The following PCDH9 variants were observed in gnomAD, a reference collection of about 807,000 sequenced individuals.
PCDH9 encodes the protein protocadherin-9.
PCDH9 carries 24 observed loss-of-function variants against 70.6 expected under a neutral mutation model. The ratio of observed to expected loss-of-function variants is 0.34; its 90% confidence interval spans 0.25 to 0.48. The LOEUF is 0.48. Among genes scored for constraint, PCDH9 ranks in the 20% least tolerant of loss-of-function variants. PCDH9 has a pLI of 0.99. For synonymous variants in PCDH9, 562 were observed against 558.5 expected, an observed-to-expected ratio of 1.01 and a Z score of -0.09; for missense variants, 1,281 against 1,503.6, an observed-to-expected ratio of 0.85 and a Z score of 2.45.
At chr13:67,123,517 A>C (rs2086916054) in intron 2 of PCDH9, among the ~76,000 whole-genome samples, 1 of 152,214 alleles carries the variant, frequency 6.6e-6, no homozygotes, top group Non-Finnish European at 1.5e-5. Flanking sequence ...TAAAGACTTC[A>C]TTTGATTTTC....
intron 3 of PCDH9, among the ~76,000 whole-genome samples, chr13:66,885,695 C>T (rs956519132): frequency 1.3e-5 from 2 of 152,008 alleles, no homozygotes; most frequent in Non-Finnish European, 2.9e-5. Context: ...CTTTTAGTCT[C>T]CTACTTGGTA....
At chr13:66,684,820 T>A (rs946917919) in intron 3 of PCDH9, among the ~76,000 whole-genome samples, 2 of 152,104 alleles carry the variant, frequency 1.3e-5, no homozygotes, top group African/African-American at 4.8e-5. Flanking sequence ...ATTTTGGAAC[T>A]GGGTTACAGG....
At chr13:66,345,977 T>A (rs1350321626) in intron 4 of PCDH9, among the ~76,000 whole-genome samples, 1 of 152,104 alleles carries the variant, frequency 6.6e-6, no homozygotes, top group Non-Finnish European at 1.5e-5. Context: ...AAACAGGATA[T>A]CTTTTTCCAA....
intron 4 of PCDH9, among the ~76,000 whole-genome samples, chr13:66,435,169 T>C (rs1273799478): frequency 6.6e-6 from 1 of 152,046 alleles, no homozygotes; most frequent in Non-Finnish European, 1.5e-5. Context: ...TCTGGAAGAG[T>C]TGTAGATAAA....
In PCDH9 at chr13:67,156,529, G is replaced by C. The variant is rs60474260; in HGVS notation, c.3036+68876C>G. Among the ~76,000 whole-genome samples the C allele has an allele frequency of 7.1e-3, 1,074 of 152,128 alleles. 13 individuals are homozygous for C. Among genetic ancestry groups the C allele is most frequent in the African/African-American group, 0.024 (1,017 of 41,522 alleles). ...CAGTGGGAGGAGAGCCCTGGCCGTG[G>C]AGTGCCCCAACTCCAGGGGAAAACC... On this transcript the variant is annotated intron_variant, in intron 2 of 4. Coordinates refer to ENST00000377865, the MANE Select transcript of PCDH9 (RefSeq NM_203487.3).
At chr13:66,552,780 C>T (rs1023987330) in intron 4 of PCDH9, among the ~76,000 whole-genome samples, 5 of 152,050 alleles carry the variant, frequency 3.3e-5, no homozygotes, top group African/African-American at 1.2e-4. Context: ...GAGGAATGTA[C>T]TAGTCCATTC....
intron 2 of PCDH9, among the ~76,000 whole-genome samples, chr13:67,064,843 T>C (rs2085610219): frequency 6.6e-6 from 1 of 152,072 alleles, no homozygotes; most frequent in East Asian, 1.9e-4. Flanking sequence ...AGGGGTAAAG[T>C]ATATGTATTT....
intron 3 of PCDH9, among the ~76,000 whole-genome samples, chr13:66,809,438 T>C (rs186062484): frequency 6.6e-6 from 1 of 152,284 alleles, no homozygotes; most frequent in East Asian, 1.9e-4. Flanking sequence ...AAGTCTACTC[T>C]GCAATATATA....
intron 3 of PCDH9, among the ~76,000 whole-genome samples, chr13:66,803,114 TTGGTGTAATTAATTA>T: frequency 6.6e-6 from 1 of 151,980 alleles, no homozygotes; most frequent in Non-Finnish European, 1.5e-5. Context: ...GAAAAAAAAA[TTGGTGTAATTAATTA>T]TGATGTCAGC....
chr13:66,585,430 T>A (rs1025005676), intron 4 of PCDH9, among the ~76,000 whole-genome samples: 1 of 152,170 alleles, frequency 6.6e-6, no homozygotes, highest in African/African-American at 2.4e-5. Context: ...CAGATTCTTA[T>A]CTCTGCATTC....
chr13:66,722,965 C>A (rs1465491064), intron 3 of PCDH9, among the ~76,000 whole-genome samples: 1 of 122,752 alleles, frequency 8.1e-6, no homozygotes, highest in Non-Finnish European at 1.6e-5. Flanking sequence ...CAGACTGCAT[C>A]TCAAAAAAAA....
At chr13:66,476,127 A>G (rs1459135387) in intron 4 of PCDH9, among the ~76,000 whole-genome samples, 1 of 152,050 alleles carries the variant, frequency 6.6e-6, no homozygotes, top group Non-Finnish European at 1.5e-5. Flanking sequence ...AATGCCCTAG[A>G]ATCATACCTG....
At chr13:67,143,424 T>G (rs567789698) in intron 2 of PCDH9, among the ~76,000 whole-genome samples, 1 of 152,330 alleles carries the variant, frequency 6.6e-6, no homozygotes, top group South Asian at 2.1e-4. Context: ...AAAATGGTTC[T>G]GGTCACAATG....
At chr13:66,395,890 T>C (rs780241893) in intron 4 of PCDH9, among the ~76,000 whole-genome samples, 2 of 152,208 alleles carry the variant, frequency 1.3e-5, no homozygotes, top group Non-Finnish European at 2.9e-5. Flanking sequence ...TACTATACTT[T>C]GTGATTTCTA....
chr13:66,486,425 C>A (rs1958943669), intron 4 of PCDH9, among the ~76,000 whole-genome samples: 1 of 150,850 alleles, frequency 6.6e-6, no homozygotes, highest in South Asian at 2.1e-4. Context: ...CTGCTGCACT[C>A]CAGCCTGGGT....
intron 4 of PCDH9, among the ~76,000 whole-genome samples, chr13:66,593,407 A>G (rs906853197): frequency 3.3e-5 from 5 of 151,746 alleles, no homozygotes; most frequent in African/African-American, 1.2e-4. Context: ...TAGATTTTCT[A>G]TAATTATATA....
chr13:66,450,809 A>C (rs1178805511), intron 4 of PCDH9, among the ~76,000 whole-genome samples: 2 of 152,058 alleles, frequency 1.3e-5, no homozygotes, highest in African/African-American at 4.8e-5. Context: ...AGGTCAGGAG[A>C]TCAAGCCCAT....
intron 2 of PCDH9, among the ~76,000 whole-genome samples, chr13:67,200,846 T>C (rs183637938): frequency 6.6e-6 from 1 of 152,180 alleles, no homozygotes; most frequent in Admixed American, 6.6e-5. Flanking sequence ...AATTCATCAC[T>C]TAGGAGAACG....
chr13:66,961,755 A>T (rs2083349837), intron 2 of PCDH9, among the ~76,000 whole-genome samples: 1 of 152,176 alleles, frequency 6.6e-6, no homozygotes, highest in African/African-American at 2.4e-5. Context: ...ATAAACTTTG[A>T]TTATAAATCA....
Sources: allele counts gnomAD v4.1 joint callset (sites outside exome capture counted in the v4.1 genomes callset), GRCh38; gene constraint gnomAD v4.1.1; transcripts MANE v1.5; gene names NCBI Gene and HGNC (gene_info 2026-07-23, HGNC 2026-07-21).